The following PTK2 variants were observed in gnomAD, a reference collection of about 807,000 sequenced individuals.
PTK2 encodes focal adhesion kinase 1.
In PTK2, 45 loss-of-function variants were observed where a neutral mutation model predicts 150.1. The observed-to-expected ratio is 0.30, with a 90% CI of 0.24 to 0.38. The LOEUF (loss-of-function observed/expected upper bound fraction) is 0.38. PTK2 is among the 10% of genes least tolerant of loss of function. PTK2 has a pLI of 1.00. For missense variants in PTK2, 919 were observed against 1,307.3 expected (o/e 0.70, Z 4.58); for synonymous variants, 432 against 449.2 (o/e 0.96, Z 0.48).
At chr8:140,808,733 G>GC (rs770375532) in intron 10 of PTK2, among the ~76,000 whole-genome samples, 4 of 116,574 alleles carry the variant, frequency 3.4e-5, no homozygotes, top group Admixed American at 1.7e-4. Flanking sequence ...TTTTGTTCTT[G>GC]TTTTTTTTTT....
chr8:140,911,390 T>C (rs2100163096), intron 2 of PTK2, among the ~76,000 whole-genome samples: 1 of 152,208 alleles, frequency 6.6e-6, no homozygotes, highest in Non-Finnish European at 1.5e-5. Flanking sequence ...TGTTCACATC[T>C]AGTCTTTTCA....
chr8:140,974,886 A>G (rs1252900939), intron 1 of PTK2, among the ~76,000 whole-genome samples: 2 of 152,182 alleles, frequency 1.3e-5, no homozygotes, highest in African/African-American at 4.8e-5. Context: ...ATTAAGAGCA[A>G]AAAGATCTTC....
At position 140,743,342 on chromosome 8, in the gene PTK2, G is replaced by C. The variant is rs552437358; in HGVS notation, c.1635-12C>G. The C allele has an allele frequency of 4.4e-6, 7 of 1,599,938 alleles. No homozygotes were observed. The South Asian group carries it at 7.7e-5, about 18-fold the overall frequency. On this transcript the variant is annotated splice_polypyrimidine_tract_variant and intron_variant, in intron 19 of 31. Coordinates refer to ENST00000522684, the Ensembl canonical transcript of PTK2. Reference sequence around the variant, plus strand: ...GAGCAGCAATGTCCCTGATAAAGAAGAATTTGAGACAATAAGACTTAAAAT... The same window carrying C: ...GAGCAGCAATGTCCCTGATAAAGAACAATTTGAGACAATAAGACTTAAAAT...
chr8:140,720,707 GTAACTAA>G (rs768827125), intron 22 of PTK2, among the ~76,000 whole-genome samples: 35 of 152,192 alleles, frequency 2.3e-4, no homozygotes, highest in Non-Finnish European at 4.9e-4. Context: ...AATATCCTGT[GTAACTAA>G]TGGCTACCAT....
intron 22 of PTK2, chr8:140,732,635 G>A: frequency 4.0e-6 from 2 of 503,092 alleles, no homozygotes; most frequent in South Asian, 1.5e-5. Context: ...TAGACTGTGA[G>A]CTCCTCGAGG....
intron 10 of PTK2, among the ~76,000 whole-genome samples, chr8:140,809,579 C>G (rs568544074): frequency 2.0e-5 from 3 of 152,088 alleles, no homozygotes; most frequent in African/African-American, 7.2e-5. Context: ...CTGGGGTGGG[C>G]AGATTACTTG....
At chr8:140,898,301 A>C (rs191086468) in intron 2 of PTK2, among the ~76,000 whole-genome samples, 1 of 150,860 alleles carries the variant, frequency 6.6e-6, no homozygotes, top group Non-Finnish European at 1.5e-5. Context: ...AAACAGTTCC[A>C]GCACCAACAT....
intron 29 of PTK2, among the ~76,000 whole-genome samples, chr8:140,671,739 C>T (rs1395726598): frequency 6.8e-6 from 1 of 147,932 alleles, no homozygotes; most frequent in African/African-American, 2.5e-5. Context: ...CGGTGAAACC[C>T]CGTCTCTACT....
At chr8:140,902,428 T>C (rs1347363067) in intron 2 of PTK2, among the ~76,000 whole-genome samples, 2 of 152,226 alleles carry the variant, frequency 1.3e-5, no homozygotes, top group Non-Finnish European at 2.9e-5. Context: ...AACATACATG[T>C]GCATGTGTCT....
chr8:140,925,452 T>C (rs2100169097), intron 2 of PTK2: 1 of 158,508 alleles, frequency 6.3e-6, no homozygotes, highest in African/African-American at 2.4e-5. Context: ...CCTGTCATTT[T>C]GTCTTGCTGT....
intron 29 of PTK2, chr8:140,668,672 TTATAC>T (rs2093836780): frequency 2.9e-6 from 1 of 350,366 alleles, no homozygotes; most frequent in African/African-American, 2.1e-5. Flanking sequence ...ATCATACATA[TTATAC>T]TAAAAACCCC....
At chr8:140,731,740 C>T (rs549625219) in intron 22 of PTK2, among the ~76,000 whole-genome samples, 11 of 152,110 alleles carry the variant, frequency 7.2e-5, no homozygotes, top group South Asian at 4.2e-4. Context: ...ACCAAAAATA[C>T]AAAAAATTAG....
intron 1 of PTK2, among the ~76,000 whole-genome samples, chr8:140,996,504 G>C (rs984812465): frequency 2.6e-5 from 4 of 152,156 alleles, no homozygotes; most frequent in African/African-American, 9.7e-5. Flanking sequence ...CCAATGCCTG[G>C]CTTTAAAGCT....
chr8:140,745,867 G>A (rs2100058383), intron 18 of PTK2, among the ~76,000 whole-genome samples: 1 of 151,942 alleles, frequency 6.6e-6, no homozygotes, highest in African/African-American at 2.4e-5. Context: ...GGGCCTGGCA[G>A]CACGTGCCTG....
At chr8:140,696,489 G>C (rs2100026677) in intron 26 of PTK2, among the ~76,000 whole-genome samples, 1 of 152,166 alleles carries the variant, frequency 6.6e-6, no homozygotes, top group African/African-American at 2.4e-5. Context: ...GGCCAGGGAT[G>C]TTGCTAAGAA....
chr8:140,780,437 C>T (rs895483980), intron 14 of PTK2, among the ~76,000 whole-genome samples: 1 of 152,058 alleles, frequency 6.6e-6, no homozygotes, highest in Admixed American at 6.6e-5. Flanking sequence ...GATCAAACTT[C>T]TTTAGGTTCT....
At chr8:140,859,518 TTATGTA>T (rs765103126) in intron 5 of PTK2, among the ~76,000 whole-genome samples, 1 of 152,230 alleles carries the variant, frequency 6.6e-6, no homozygotes, top group African/African-American at 2.4e-5. Flanking sequence ...TGGAAGTATG[TTATGTA>T]TATATGTATC....
At chr8:140,877,869 G>A (rs1455454319) in intron 4 of PTK2, among the ~76,000 whole-genome samples, 1 of 152,090 alleles carries the variant, frequency 6.6e-6, no homozygotes, top group East Asian at 1.9e-4. Context: ...TCTACTAAGA[G>A]ATTTAGATTC....
intron 2 of PTK2, among the ~76,000 whole-genome samples, chr8:140,923,461 T>C (rs2100168284): frequency 6.6e-6 from 1 of 152,220 alleles, no homozygotes; most frequent in Non-Finnish European, 1.5e-5. Flanking sequence ...TTGCCCAAGG[T>C]CAAAGAGCTG....
Sources: allele counts gnomAD v4.1 joint callset (sites outside exome capture counted in the v4.1 genomes callset), GRCh38; gene constraint gnomAD v4.1.1; transcripts MANE v1.5; gene names NCBI Gene and HGNC (gene_info 2026-07-23, HGNC 2026-07-21).